The following AZI2 variants were observed in gnomAD, a reference collection of about 807,000 sequenced individuals.
AZI2 encodes 5-azacytidine-induced protein 2.
In AZI2, 22 loss-of-function variants were observed where a neutral mutation model predicts 45.8. The ratio of observed to expected loss-of-function variants is 0.48; its 90% CI spans 0.34 to 0.69. The LOEUF (loss-of-function observed/expected upper bound fraction) is 0.69. Ranked by LOEUF, AZI2 falls within the 30% of genes least tolerant of loss-of-function variation. The pLI, the probability that AZI2 is intolerant of heterozygous loss-of-function variation, is 0.01. For missense variants in AZI2, 417 were observed against 441.5 expected, an observed-to-expected ratio of 0.94 and a Z score of 0.50; for synonymous variants, 137 against 156.7, an observed-to-expected ratio of 0.87 and a Z score of 0.94.
chr3:28,346,236 C>T (rs535400410), intron 1 of AZI2, among the ~76,000 whole-genome samples: 1 of 152,162 alleles, frequency 6.6e-6, no homozygotes, highest in African/African-American at 2.4e-5. Flanking sequence ...GGATTTGCAA[C>T]CCTGATTATA....
In AZI2 at chr3:28,345,204, A is replaced by G. The variant is rs1209273109; in HGVS notation, c.-6+3397T>C. Among the ~76,000 whole-genome samples, 4 of 152,174 alleles carry G rather than the reference A, an allele frequency of 2.6e-5. No homozygotes were observed. In the East Asian group the frequency reaches 7.7e-4, roughly 29 times the overall value. On this transcript the variant is annotated intron_variant, in intron 1 of 7. Coordinates refer to ENST00000479665, the MANE Select transcript of AZI2 (RefSeq NM_022461.5). Reference sequence around the variant, plus strand: ...ATAAGCACCCAGGTGATTTTAAGTCATATTCCAATTTGAGAACCACTCATC... The same window carrying G: ...ATAAGCACCCAGGTGATTTTAAGTCGTATTCCAATTTGAGAACCACTCATC...
intron 1 of AZI2, among the ~76,000 whole-genome samples, chr3:28,345,816 CT>C (rs1704203430): frequency 6.6e-6 from 1 of 152,110 alleles, no homozygotes; most frequent in Non-Finnish European, 1.5e-5. Context: ...GAAAACATAT[CT>C]GCTGATATCA....
At chr3:28,332,290 A>G in intron 6 of AZI2, 79 bp downstream of exon 6, 1 of 1,299,042 alleles carries the variant, frequency 7.7e-7, no homozygotes, top group South Asian at 1.3e-5. Flanking sequence ...GTTAAGTCAT[A>G]AAAGAAATCT....
intron 1 of AZI2, among the ~76,000 whole-genome samples, chr3:28,343,088 C>G (rs1704087096): frequency 6.6e-6 from 1 of 151,836 alleles, no homozygotes; most frequent in Non-Finnish European, 1.5e-5. Context: ...ATTTACACAG[C>G]AAGGAAAACC....
rs1192705232 is a variant in AZI2 at position 28,323,489 on chromosome 3, C to CA, written c.*552dup. 5.3e-5 allele frequency: 8 copies of CA among 150,772 alleles called. No individual in the cohort carries two copies. Among genetic ancestry groups the CA allele is most frequent in the Non-Finnish European group, 1.0e-4 (7 of 67,182 alleles). 9.3% of individuals were successfully genotyped at this position (150,772 alleles called of 1,614,324 possible). A position where few individuals can be genotyped will look rare whatever the true frequency, so the allele number is the denominator to read the frequency against. ...AATTTTATCAACAAAACACTGTGACCAAAAAATCACTTTAAATCTTAAATA... is the reference window on the plus strand; with the variant it reads ...AATTTTATCAACAAAACACTGTGACCAAAAAAATCACTTTAAATCTTAAATA... On this transcript the variant is annotated 3_prime_UTR_variant, in exon 8 of 8. Transcript: ENST00000479665.
chr3:28,336,947 A>G, intron 4 of AZI2, 62 bp from the exon 5 acceptor site: 15 of 1,518,814 alleles, frequency 9.9e-6, no homozygotes, highest in African/African-American at 1.4e-5. Flanking sequence ...GCAATTCTTA[A>G]AAATAGGTTA....
chr3:28,342,711 GCACACACACACACACACACA>G (rs71087691), intron 1 of AZI2, among the ~76,000 whole-genome samples: 1 of 147,472 alleles, frequency 6.8e-6, no homozygotes, highest in Non-Finnish European at 1.5e-5. Flanking sequence ...TCTTACACAT[GCACACACACACACACACACA>G]CACACACACA....
chr3:28,337,587 G>A (rs1329907486), intron 4 of AZI2, among the ~76,000 whole-genome samples: 3 of 152,158 alleles, frequency 2.0e-5, no homozygotes, highest in Non-Finnish European at 2.9e-5. Context: ...GTGTTTAACT[G>A]TGGGCAAGAT....
intron 6 of AZI2, among the ~76,000 whole-genome samples, chr3:28,329,435 C>A (rs998434160): frequency 5.3e-5 from 8 of 151,162 alleles, no homozygotes; most frequent in African/African-American, 1.7e-4. Flanking sequence ...AAGTTTTATA[C>A]TTCTCAGTAT....
At chr3:28,343,882 A>T (rs1394203647) in intron 1 of AZI2, among the ~76,000 whole-genome samples, 7 of 152,098 alleles carry the variant, frequency 4.6e-5, no homozygotes, top group Non-Finnish European at 1.0e-4. Flanking sequence ...GTCACATTTT[A>T]TACAACATGA....
intron 1 of AZI2, among the ~76,000 whole-genome samples, chr3:28,341,076 C>A (rs916516701): frequency 6.6e-6 from 1 of 151,902 alleles, no homozygotes; most frequent in Non-Finnish European, 1.5e-5. Flanking sequence ...GAGTATAATT[C>A]ATTACAACAA....
intron 5 of AZI2, among the ~76,000 whole-genome samples, chr3:28,333,624 A>T (rs1703672376): frequency 6.6e-6 from 1 of 151,748 alleles, no homozygotes; most frequent in South Asian, 2.1e-4. Context: ...ATGTTTTTCC[A>T]ACTACTATCT....
intron 1 of AZI2, among the ~76,000 whole-genome samples, chr3:28,345,257 C>T (rs548245412): frequency 1.3e-5 from 2 of 152,256 alleles, no homozygotes; most frequent in South Asian, 2.1e-4. Context: ...GCAGTTACCA[C>T]GTAATTTACA....
intron 5 of AZI2, 141 bp downstream of exon 5, chr3:28,336,592 TAAAC>T: frequency 1.1e-6 from 1 of 872,734 alleles, no homozygotes; most frequent in Non-Finnish European, 1.6e-6. Context: ...AAGAGGTAGA[TAAAC>T]AAGAATTTTT....
At chr3:28,342,710 T>TGCAC (rs1559463785) in intron 1 of AZI2, among the ~76,000 whole-genome samples, 1 of 74,656 alleles carries the variant, frequency 1.3e-5, no homozygotes, top group Non-Finnish European at 2.6e-5. Context: ...CTCTTACACA[T>TGCAC]GCACACACAC....
At chr3:28,331,613 T>C in intron 6 of AZI2, 2 of 1,119,756 alleles carry the variant, frequency 1.8e-6, no homozygotes, top group Non-Finnish European at 2.2e-6. Flanking sequence ...AGGTTTTTGA[T>C]AGAAATTGGC....
intron 6 of AZI2, among the ~76,000 whole-genome samples, chr3:28,328,035 TAA>T (rs1027013956): frequency 2.7e-5 from 4 of 150,064 alleles, no homozygotes; most frequent in African/African-American, 4.9e-5. Flanking sequence ...ATTTAATATA[TAA>T]TATATAAAAT....
At chr3:28,339,881 CAGTT>C (rs141400948) in intron 2 of AZI2, among the ~76,000 whole-genome samples, 3,978 of 152,104 alleles carry the variant, frequency 0.026, 151 homozygotes, top group African/African-American at 0.085. Context: ...TATTCTGTAA[CAGTT>C]AGATGTGTCA....
At chr3:28,342,721 A>G (rs1354971803) in intron 1 of AZI2, among the ~76,000 whole-genome samples, 1 of 82,360 alleles carries the variant, frequency 1.2e-5, no homozygotes, top group African/African-American at 5.5e-5. Context: ...GCACACACAC[A>G]CACACACACA....
Sources: gnomAD v4.1 joint callset for allele counts (sites outside exome capture counted in the v4.1 genomes callset) on GRCh38, gnomAD v4.1.1 for gene constraint, MANE v1.5 for transcripts, NCBI Gene and HGNC (gene_info 2026-07-23, HGNC 2026-07-21) for gene names.